RANBP2: variants seen among roughly 807,000 people sequenced by gnomAD.
The protein encoded by RANBP2 is E3 SUMO-protein ligase RanBP2.
In RANBP2, 57 loss-of-function variants were observed where a neutral mutation model predicts 303.6. The ratio of observed to expected loss-of-function variants is 0.19; its 90% confidence interval spans 0.15 to 0.23. RANBP2 has a LOEUF of 0.23. Ranked by LOEUF, RANBP2 falls within the 10% of genes least tolerant of loss-of-function variation. The pLI, the probability that RANBP2 is intolerant of heterozygous loss-of-function variation, is 1.00. For missense variants in RANBP2, 3,138 were observed against 3,780.8 expected, an observed-to-expected ratio of 0.83 and a Z score of 4.46; for synonymous variants, 1,167 against 1,301.5, an observed-to-expected ratio of 0.90 and a Z score of 2.23.
At chr2:109,609,248 G>A in the RANBP2 span, among the ~76,000 whole-genome samples, 1 of 152,106 alleles carries the variant, frequency 6.6e-6, no homozygotes, top group Non-Finnish European at 1.5e-5. Context: ...CATTCAGCAA[G>A]AATAAAATTG....
chr2:109,291,638 T>C, the RANBP2 span, among the ~76,000 whole-genome samples: 6 of 152,190 alleles, frequency 3.9e-5, no homozygotes, highest in Admixed American at 3.9e-4. Flanking sequence ...TGGAGGAATT[T>C]TGGAAGACTG....
the RANBP2 span, among the ~76,000 whole-genome samples, chr2:109,385,806 C>T: frequency 2.0e-5 from 3 of 152,036 alleles, no homozygotes; most frequent in Non-Finnish European, 4.4e-5. Flanking sequence ...GGACCTGGCA[C>T]CAGAAACAAA....
the RANBP2 span, among the ~76,000 whole-genome samples, chr2:109,345,727 A>G: frequency 6.6e-6 from 1 of 152,194 alleles, no homozygotes; most frequent in Non-Finnish European, 1.5e-5. Context: ...GTATTCGTAG[A>G]CTAAGTTCTA....
At chr2:109,607,183 A>G in the RANBP2 span, among the ~76,000 whole-genome samples, 2 of 152,198 alleles carry the variant, frequency 1.3e-5, no homozygotes, top group African/African-American at 2.4e-5. Flanking sequence ...TAATCACACA[A>G]ATAATTTGTA....
the RANBP2 span, among the ~76,000 whole-genome samples, chr2:109,512,032 C>T: frequency 1.3e-5 from 2 of 152,196 alleles, no homozygotes; most frequent in Non-Finnish European, 2.9e-5. Context: ...CCAGACCCAT[C>T]TCCAGGGCAC....
At chr2:109,422,497 A>C in the RANBP2 span, among the ~76,000 whole-genome samples, 1 of 152,294 alleles carries the variant, frequency 6.6e-6, no homozygotes, top group Non-Finnish European at 1.5e-5. Flanking sequence ...CTAAGGGCTC[A>C]GTTGCCCGGA....
At chr2:109,130,154 AGT>A in the RANBP2 span, 1 of 1,270,994 alleles carries the variant, frequency 7.9e-7, no homozygotes. Flanking sequence ...GGCACGTGGG[AGT>A]GTGTGGGTGG....
chr2:108,974,329 C>CAAAAAA, the RANBP2 span, among the ~76,000 whole-genome samples: 18 of 61,518 alleles, frequency 2.9e-4, no homozygotes, highest in East Asian at 3.0e-3. Context: ...GGATCCGTCT[C>CAAAAAA]AAAAAAAAAA....
At chr2:109,353,964 T>A in the RANBP2 span, among the ~76,000 whole-genome samples, 1 of 152,042 alleles carries the variant, frequency 6.6e-6, no homozygotes. Flanking sequence ...AGCCCCTAGA[T>A]GCTCTGGAAA....
the RANBP2 span, among the ~76,000 whole-genome samples, chr2:108,980,414 A>G: frequency 1.3e-5 from 2 of 152,144 alleles, no homozygotes; most frequent in East Asian, 1.9e-4. Context: ...CTCAGCAGCA[A>G]GTCGTGATTT....
the RANBP2 span, chr2:109,501,817 C>T: frequency 6.6e-6 from 4 of 604,966 alleles, no homozygotes; most frequent in East Asian, 8.2e-5. Context: ...AGGGTGGGGG[C>T]CAGGGACTGT....
the RANBP2 span, among the ~76,000 whole-genome samples, chr2:108,887,967 T>C: frequency 6.6e-6 from 1 of 152,180 alleles, no homozygotes; most frequent in African/African-American, 2.4e-5. Context: ...GAAAGGCTTT[T>C]AGCTTTTCTT....
the RANBP2 span, among the ~76,000 whole-genome samples, chr2:109,661,839 C>A: frequency 6.6e-6 from 1 of 152,196 alleles, no homozygotes; most frequent in African/African-American, 2.4e-5. Flanking sequence ...TACTCTATTT[C>A]TTCCTCTGGT....
At chr2:108,739,157 C>A (rs964987668) in intron 6 of RANBP2, among the ~76,000 whole-genome samples, 1 of 151,926 alleles carries the variant, frequency 6.6e-6, no homozygotes, top group Admixed American at 6.6e-5. Context: ...AATCCCAGCA[C>A]TTTGGGAGGC....
chr2:109,372,108 G>A, the RANBP2 span, among the ~76,000 whole-genome samples: 9 of 152,314 alleles, frequency 5.9e-5, no homozygotes, highest in African/African-American at 2.2e-4. Flanking sequence ...GGAAGGAACC[G>A]TTGCTGGCCA....
At chr2:109,377,636 A>G in the RANBP2 span, among the ~76,000 whole-genome samples, 1 of 152,218 alleles carries the variant, frequency 6.6e-6, no homozygotes, top group East Asian at 1.9e-4. Flanking sequence ...ATCTTTATTT[A>G]GTGAAATAAT....
the RANBP2 span, among the ~76,000 whole-genome samples, chr2:109,630,629 T>C: frequency 1.3e-5 from 2 of 152,204 alleles, no homozygotes; most frequent in African/African-American, 2.4e-5. Flanking sequence ...ATGAGCATAA[T>C]GCACTTTGCT....
the RANBP2 span, among the ~76,000 whole-genome samples, chr2:109,015,432 CAT>C: frequency 6.7e-3 from 1,024 of 152,186 alleles, 7 homozygotes; most frequent in South Asian, 0.027. Flanking sequence ...TTCTCAGTAA[CAT>C]GTTCTTTTCT....
chr2:108,985,934 G>A, the RANBP2 span, among the ~76,000 whole-genome samples: 1 of 152,156 alleles, frequency 6.6e-6, no homozygotes, highest in Admixed American at 6.5e-5. Flanking sequence ...TATGACTGAA[G>A]ACACTTCAGG....
Sources: allele counts gnomAD v4.1 joint callset (sites outside exome capture counted in the v4.1 genomes callset), GRCh38; gene constraint gnomAD v4.1.1; transcripts MANE v1.5; gene names NCBI Gene and HGNC (gene_info 2026-07-23, HGNC 2026-07-21).